The following PRKG1 variants were observed in gnomAD, a reference collection of about 807,000 sequenced individuals.
PRKG1 encodes protein kinase cGMP-dependent 1, also known as cGMP-dependent protein kinase 1.
Under a neutral mutation model 88.1 loss-of-function variants are expected in PRKG1, and 35 were observed. That is an observed-to-expected ratio of 0.40 (90% CI 0.30 to 0.53). The LOEUF is 0.53. Among genes scored for constraint, PRKG1 ranks in the 20% least tolerant of loss-of-function variants. The probability of loss-of-function intolerance (pLI) is 0.59; values close to 1 mark genes in which losing one functional copy is unlikely to be tolerated. For missense variants in PRKG1, 540 were observed against 839.8 expected, an observed-to-expected ratio of 0.64 and a Z score of 4.41; for synonymous variants, 303 against 292.5, an observed-to-expected ratio of 1.04 and a Z score of -0.37.
chr10:51,628,097 CCTTT>C lies in PRKG1; in HGVS notation c.592+160271_592+160274del, dbSNP rs1445796041. 6.6e-5 allele frequency among the ~76,000 whole-genome samples: 9 copies of C among 137,222 alleles called. No individual in the cohort carries two copies. In the East Asian group the frequency reaches 1.7e-3, roughly 26 times the overall value. The allele number at this position is 137,222 out of a possible 152,430, so 90.0% of individuals were successfully genotyped here. A position where few individuals can be genotyped will look rare whatever the true frequency, so the allele number is the denominator to read the frequency against. On this transcript the variant is annotated intron_variant, in intron 3 of 17. Transcript: ENST00000373980. ...CTTTCTTTCTTTCTTTCCTTCCTTC[CCTTT>C]CTTTCTTTCCTTCTTTATTTCTCTT...
intron 1 of PRKG1, among the ~76,000 whole-genome samples, chr10:51,091,340 A>G (rs1844393417): frequency 6.6e-6 from 1 of 152,104 alleles, no homozygotes; most frequent in Non-Finnish European, 1.5e-5. Context: ...GAACATTTCA[A>G]TTACCCCCTA....
At chr10:51,179,429 A>G (rs1013398154) in intron 2 of PRKG1, among the ~76,000 whole-genome samples, 1 of 152,258 alleles carries the variant, frequency 6.6e-6, no homozygotes, top group Non-Finnish European at 1.5e-5. Context: ...ATAGCTAATT[A>G]TCGGCTTTAT....
intron 3 of PRKG1, among the ~76,000 whole-genome samples, chr10:51,492,847 G>A (rs367660131): frequency 1.3e-5 from 2 of 152,000 alleles, no homozygotes; most frequent in Non-Finnish European, 1.5e-5. Flanking sequence ...TTGAATAAAC[G>A]TGCCATGATT....
chr10:52,148,985 G>C (rs1260945279), intron 8 of PRKG1, among the ~76,000 whole-genome samples: 1 of 74,692 alleles, frequency 1.3e-5, no homozygotes, highest in Non-Finnish European at 2.4e-5. Flanking sequence ...TTTTTTTTTA[G>C]GTTTGGAAAG....
At chr10:51,639,821 T>C (rs1839754055) in intron 3 of PRKG1, among the ~76,000 whole-genome samples, 1 of 152,134 alleles carries the variant, frequency 6.6e-6, no homozygotes, top group Admixed American at 6.5e-5. Context: ...TGCGCCAACC[T>C]AATAAAAGCT....
intron 1 of PRKG1, among the ~76,000 whole-genome samples, chr10:51,020,999 C>T (rs1452685187): frequency 6.6e-6 from 1 of 152,010 alleles, no homozygotes; most frequent in Non-Finnish European, 1.5e-5. Context: ...CAAAACTGTG[C>T]CTGTTGAAAT....
At chr10:51,132,131 A>ACTTT (rs1845581225) in intron 1 of PRKG1, among the ~76,000 whole-genome samples, 1 of 152,086 alleles carries the variant, frequency 6.6e-6, no homozygotes, top group Non-Finnish European at 1.5e-5. Flanking sequence ...TTGAGCTGAA[A>ACTTT]CTTTCTTGCA....
intron 7 of PRKG1, among the ~76,000 whole-genome samples, chr10:52,064,134 C>T (rs1204595993): frequency 6.6e-6 from 1 of 152,166 alleles, no homozygotes; most frequent in Non-Finnish European, 1.5e-5. Flanking sequence ...CCTCCTGCTG[C>T]CATTCATGAC....
chr10:51,480,793 T>G (rs1840333058), intron 3 of PRKG1, among the ~76,000 whole-genome samples: 1 of 152,126 alleles, frequency 6.6e-6, no homozygotes, highest in East Asian at 1.9e-4. Flanking sequence ...GCCTTAAAAT[T>G]TTCTAAATAA....
At chr10:51,873,082 C>T (rs1326714597) in intron 4 of PRKG1, among the ~76,000 whole-genome samples, 1 of 151,984 alleles carries the variant, frequency 6.6e-6, no homozygotes. Context: ...ATATCAAATA[C>T]CTAATTATTT....
At chr10:52,236,032 A>G (rs1268611832) in intron 9 of PRKG1, among the ~76,000 whole-genome samples, 2 of 125,854 alleles carry the variant, frequency 1.6e-5, no homozygotes, top group African/African-American at 3.0e-5. Flanking sequence ...CCGCTCAACT[A>G]TATGGAAACT....
intron 3 of PRKG1, among the ~76,000 whole-genome samples, chr10:51,509,461 A>G (rs1376646000): frequency 3.9e-5 from 6 of 152,220 alleles, no homozygotes; most frequent in Non-Finnish European, 8.8e-5. Context: ...CTGTAGAGGT[A>G]GTGGTAAGGA....
At chr10:52,008,390 GAGA>G (rs1258921530) in intron 5 of PRKG1, among the ~76,000 whole-genome samples, 2 of 152,010 alleles carry the variant, frequency 1.3e-5, no homozygotes, top group African/African-American at 4.8e-5. Context: ...GACTAATAAA[GAGA>G]AGAAGAGAGA....
At chr10:52,140,793 C>T (rs1166598326) in intron 8 of PRKG1, among the ~76,000 whole-genome samples, 1 of 136,554 alleles carries the variant, frequency 7.3e-6, no homozygotes, top group East Asian at 2.1e-4. Context: ...AGGTCAGTCT[C>T]AGGAAGGAAC....
intron 7 of PRKG1, among the ~76,000 whole-genome samples, chr10:52,100,985 A>AT (rs1847280331): frequency 6.6e-6 from 1 of 152,202 alleles, no homozygotes. Context: ...AAGAAGTTCT[A>AT]TTAAAATTTC....
chr10:51,110,993 T>C (rs764742083), intron 1 of PRKG1, among the ~76,000 whole-genome samples: 4 of 152,188 alleles, frequency 2.6e-5, no homozygotes, highest in African/African-American at 9.6e-5. Flanking sequence ...TTGTCATCCC[T>C]GTATTGGATT....
At chr10:51,517,520 T>G (rs1413574946) in intron 3 of PRKG1, among the ~76,000 whole-genome samples, 1 of 152,210 alleles carries the variant, frequency 6.6e-6, no homozygotes, top group Non-Finnish European at 1.5e-5. Context: ...CTTAATCTGA[T>G]AGTGGTGCCA....
In PRKG1 at chr10:52,171,786, A is replaced by ATTTTTTTTTTTTTTTT. The variant is rs545195374; in HGVS notation, c.1076+9835_1076+9850dup. ...ATAGAAGTATTTTTCTTTTATCAAAATTTTTTTTTTTTTTTTTTTTTTTTT... is the reference window on the plus strand; with the variant it reads ...ATAGAAGTATTTTTCTTTTATCAAAATTTTTTTTTTTTTTTTTTTTTTTTTTTTTTTTTTTTTTTTT... On this transcript the variant is annotated intron_variant, in intron 9 of 17. Coordinates refer to ENST00000373980, the MANE Select transcript of PRKG1 (RefSeq NM_006258.4). Among the ~76,000 whole-genome samples, 107 of 93,818 alleles carry ATTTTTTTTTTTTTTTT rather than the reference A, an allele frequency of 1.1e-3. 4 individuals are homozygous for ATTTTTTTTTTTTTTTT. Among genetic ancestry groups the ATTTTTTTTTTTTTTTT allele is most frequent in the African/African-American group, 4.3e-3 (101 of 23,408 alleles). 61.5% of individuals were successfully genotyped at this position (93,818 alleles called of 152,430 possible). A position where few individuals can be genotyped will look rare whatever the true frequency, so the allele number is the denominator to read the frequency against.
At chr10:51,825,969 AGG>A (rs1839872167) in intron 4 of PRKG1, among the ~76,000 whole-genome samples, 1 of 152,212 alleles carries the variant, frequency 6.6e-6, no homozygotes, top group Non-Finnish European at 1.5e-5. Context: ...AAGGAGAAGC[AGG>A]TGGGTTTACA....
Sources: gnomAD v4.1 joint callset for allele counts (sites outside exome capture counted in the v4.1 genomes callset) on GRCh38, gnomAD v4.1.1 for gene constraint, MANE v1.5 for transcripts, NCBI Gene and HGNC (gene_info 2026-07-23, HGNC 2026-07-21) for gene names.